BTD: variants seen among roughly 807,000 people sequenced by gnomAD.
BTD encodes the protein biotinidase.
In BTD, 13 loss-of-function variants were observed where a neutral mutation model predicts 17.7. The observed-to-expected ratio is 0.74, with a 90% CI of 0.48 to 1.17. BTD has a LOEUF of 1.17. Ranked by LOEUF, BTD falls within the 50% of genes most tolerant of loss-of-function variation. The probability of loss-of-function intolerance (pLI) is 0.00; values close to 1 mark genes in which losing one functional copy is unlikely to be tolerated. For missense variants in BTD, 674 were observed against 650.4 expected (o/e 1.04, Z -0.39); for synonymous variants, 240 against 245.2 (o/e 0.98, Z 0.20).
chr3:15,718,040 T>G (rs562119815), intron 4 of BTD, among the ~76,000 whole-genome samples: 1 of 152,138 alleles, frequency 6.6e-6, no homozygotes, highest in African/African-American at 2.4e-5. Context: ...AAAGGGCAAG[T>G]GTAAAGTGTC....
Position 15,644,569 on chromosome 3 carries a change from G to C in BTD, c.653G>C (p.Gly218Ala), listed in dbSNP as rs144901367. Reference protein sequence around the residue: ...DLITFDTPFAGRFGIFTCFDI... With the variant: ...DLITFDTPFAARFGIFTCFDI... ...ATCACCTTTGATACCCCCTTTGCTG[G>C]CAGGTTTGGCATCTTCACATGCTTT... Residue 218 changes from glycine (G) to alanine (A), a missense_variant, in exon 4 of 4, where the codon GGC becomes GCC. Gly to Ala is a moderately conservative substitution (Grantham distance 60). Transcript: ENST00000643237. The C allele has an allele frequency of 2.3e-5, 37 of 1,613,978 alleles. No individual in the cohort carries two copies. In the African/African-American group the frequency reaches 4.0e-4, roughly 17 times the overall value.
At chr3:15,674,588 G>C (rs1409233405) in intron 3 of BTD, among the ~76,000 whole-genome samples, 2 of 152,146 alleles carry the variant, frequency 1.3e-5, no homozygotes, top group African/African-American at 2.4e-5. Context: ...GTCTGGGCTG[G>C]AGATATAAAT....
intron 1 of BTD, among the ~76,000 whole-genome samples, chr3:15,624,457 C>T (rs539176687): frequency 6.6e-6 from 1 of 152,166 alleles, no homozygotes; most frequent in African/African-American, 2.4e-5. Flanking sequence ...GTCATATTCT[C>T]AAGCTCAGGG....
intron 1 of BTD, among the ~76,000 whole-genome samples, chr3:15,606,288 C>T (rs2064452199): frequency 6.6e-6 from 1 of 152,154 alleles, no homozygotes; most frequent in Non-Finnish European, 1.5e-5. Context: ...ACAAGTCAGG[C>T]ACCTGTATTT....
At chr3:15,670,688 C>T in intron 3 of BTD, 1 of 952,870 alleles carries the variant, frequency 1.0e-6, no homozygotes, top group Non-Finnish European at 1.5e-6. Flanking sequence ...TTGCTGTAAC[C>T]AGCATGATTC....
intron 3 of BTD, among the ~76,000 whole-genome samples, chr3:15,706,046 A>T (rs2071326443): frequency 1.0e-5 from 1 of 95,434 alleles, no homozygotes; most frequent in African/African-American, 3.8e-5. Context: ...ACAAAAACAA[A>T]CAAAAAACCC....
chr3:15,677,519 A>T (rs1370207517), intron 3 of BTD: 4 of 1,613,140 alleles, frequency 2.5e-6, no homozygotes, highest in Non-Finnish European at 3.4e-6. Flanking sequence ...TTTTACTGTT[A>T]TCTTGTAAAG....
intron 3 of BTD, among the ~76,000 whole-genome samples, chr3:15,694,212 C>G (rs2069197595): frequency 9.0e-6 from 1 of 111,330 alleles, no homozygotes; most frequent in African/African-American, 2.5e-5. Flanking sequence ...GTGATTGACA[C>G]TGAAAAAAAA....
intron 2 of BTD, among the ~76,000 whole-genome samples, chr3:15,640,098 T>C (rs1419156159): frequency 6.6e-6 from 1 of 152,132 alleles, no homozygotes; most frequent in Non-Finnish European, 1.5e-5. Context: ...ACCAAGACTC[T>C]CTCTCAAAAA....
chr3:15,695,169 G>A, intron 3 of BTD: 1 of 1,584,084 alleles, frequency 6.3e-7, no homozygotes, highest in Non-Finnish European at 8.6e-7. Flanking sequence ...TTGGTGGGAG[G>A]GAATTGACTA....
chr3:15,612,266 C>A (rs778187799), intron 1 of BTD, among the ~76,000 whole-genome samples: 4 of 152,124 alleles, frequency 2.6e-5, no homozygotes, highest in Non-Finnish European at 5.9e-5. Flanking sequence ...GAAGATTACC[C>A]TCTATGCATT....
chr3:15,682,827 T>C (rs2067681382), intron 3 of BTD, among the ~76,000 whole-genome samples: 1 of 152,228 alleles, frequency 6.6e-6, no homozygotes, highest in African/African-American at 2.4e-5. Context: ...AGGCTGTCTA[T>C]ATAGTCGCTT....
Position 15,602,133 on chromosome 3 carries a change from A to G in BTD, c.-17+239A>G, listed in dbSNP as rs551690948. 22 of 1,425,980 alleles carry G rather than the reference A, an allele frequency of 1.5e-5. No homozygotes were observed. The South Asian group carries it at 2.9e-4, about 19-fold the overall frequency. 88.3% of individuals were successfully genotyped at this position (1,425,980 alleles called of 1,614,324 possible). On this transcript the variant is annotated intron_variant, in intron 1 of 3. Coordinates refer to ENST00000643237, the MANE Select transcript of BTD (RefSeq NM_001370658.1). The stretch of plus-strand genomic sequence containing the variant: ...TACGCTCTCATAACCTTGTGGTTTT[A>G]TAGTCCTTAAATTATTGTAGCGCAC...
chr3:15,707,070 C>A (rs899213232), intron 3 of BTD, among the ~76,000 whole-genome samples: 6 of 151,954 alleles, frequency 3.9e-5, no homozygotes, highest in African/African-American at 1.5e-4. Flanking sequence ...ATTTTGAGGG[C>A]GAAAAGTAAA....
intron 3 of BTD, chr3:15,676,778 C>A: frequency 4.7e-6 from 2 of 423,018 alleles, no homozygotes; most frequent in Non-Finnish European, 8.4e-6. Context: ...AATAAAATTT[C>A]AGTTCAAAAG....
chr3:15,620,743 A>C (rs1372040000), intron 1 of BTD, among the ~76,000 whole-genome samples: 1 of 152,252 alleles, frequency 6.6e-6, no homozygotes, highest in African/African-American at 2.4e-5. Flanking sequence ...TTCACAATTT[A>C]TGTTCCTCTG....
intron 3 of BTD, among the ~76,000 whole-genome samples, chr3:15,659,142 G>A (rs191510702): frequency 8.5e-5 from 13 of 152,254 alleles, no homozygotes; most frequent in African/African-American, 2.6e-4. Context: ...GCATCTCCAG[G>A]GCTCTATGGG....
intron 3 of BTD, among the ~76,000 whole-genome samples, chr3:15,681,219 G>A (rs2067509051): frequency 6.6e-6 from 1 of 152,082 alleles, no homozygotes; most frequent in Admixed American, 6.5e-5. Context: ...CAATGTAAAT[G>A]CTATATAAAT....
chr3:15,617,154 G>GTTGTTTA (rs1398613973), intron 1 of BTD, among the ~76,000 whole-genome samples: 1 of 152,202 alleles, frequency 6.6e-6, no homozygotes, highest in Admixed American at 6.5e-5. Context: ...TTTTAATCAA[G>GTTGTTTA]TTGTTTACTT....
Sources: gnomAD v4.1 joint callset for allele counts (sites outside exome capture counted in the v4.1 genomes callset) on GRCh38, gnomAD v4.1.1 for gene constraint, MANE v1.5 for transcripts, NCBI Gene and HGNC (gene_info 2026-07-23, HGNC 2026-07-21) for gene names.